The following HSP90B1 variants were observed in gnomAD, a reference collection of about 807,000 sequenced individuals.
The protein encoded by HSP90B1 is heat shock protein 90 beta family member 1.
Under a neutral mutation model 100.4 loss-of-function variants are expected in HSP90B1, and 27 were observed. The ratio of observed to expected loss-of-function variants is 0.27; its 90% CI spans 0.20 to 0.37. The LOEUF (loss-of-function observed/expected upper bound fraction) is 0.37. Ranked by LOEUF, HSP90B1 falls within the 10% of genes least tolerant of loss-of-function variation. The probability of loss-of-function intolerance (pLI) is 1.00; values close to 1 mark genes in which losing one functional copy is unlikely to be tolerated. For missense variants in HSP90B1, 678 were observed against 960.5 expected (o/e 0.71, Z 3.89); for synonymous variants, 304 against 330.8 (o/e 0.92, Z 0.88).
chr12:103,937,550 C>A, intron 5 of HSP90B1, 145 bp from the exon 6 acceptor site: 1 of 612,678 alleles, frequency 1.6e-6, no homozygotes, highest in South Asian at 1.8e-5. Context: ...GCTCACAAAC[C>A]CTTGTTGGTG....
In HSP90B1 at chr12:103,937,822, T is replaced by G; in HGVS notation, c.855+16T>G. ...GAGCAGCAAGGTAAATCTATATTGA[T>G]TAAAAACTTATATGTATTACCTTGG... On this transcript the variant is annotated intron_variant, in intron 6 of 17. Transcript: ENST00000299767. 1.6e-6 allele frequency: 2 copies of G among 1,252,846 alleles called. No homozygotes were observed. The highest frequency in any genetic ancestry group is 2.3e-6 in the Non-Finnish European group (2 of 863,018). The allele number at this position is 1,252,846 out of a possible 1,614,324, so 77.6% of individuals were successfully genotyped here. A position where few individuals can be genotyped will look rare whatever the true frequency, so the allele number is the denominator to read the frequency against.
At chr12:103,946,266 T>A (rs1348947288) in intron 14 of HSP90B1, among the ~76,000 whole-genome samples, 2 of 152,126 alleles carry the variant, frequency 1.3e-5, no homozygotes, top group African/African-American at 4.8e-5. Context: ...ATGAGGGAGA[T>A]TGGTTCTAGG....
chr12:103,942,118 C>G (rs979061938), intron 11 of HSP90B1, among the ~76,000 whole-genome samples: 2 of 152,150 alleles, frequency 1.3e-5, no homozygotes, highest in African/African-American at 4.8e-5. Context: ...AAGAATTGTA[C>G]AGGTCCAGGA....
At chr12:103,944,776 G>A (rs1470454668) in intron 14 of HSP90B1, among the ~76,000 whole-genome samples, 11 of 152,148 alleles carry the variant, frequency 7.2e-5, no homozygotes, top group African/African-American at 2.4e-4. Context: ...GGCTGGTCTC[G>A]AACTCCTGAC....
At chr12:103,934,326 G>C (rs181888707) in intron 5 of HSP90B1, 39 bp downstream of exon 5, 1 of 1,487,234 alleles carries the variant, frequency 6.7e-7, no homozygotes. Context: ...TAATAGTCAT[G>C]GTGAGGATCT....
Position 103,943,112 on chromosome 12 carries a change from G to C in HSP90B1, c.1683G>C (p.Lys561Asn), listed in dbSNP as rs1870124294. The C allele has an allele frequency of 1.9e-6, 3 of 1,614,112 alleles. No homozygotes were observed. Among genetic ancestry groups the C allele is most frequent in the Admixed American group, 3.3e-5 (2 of 60,006 alleles). Residue 561 changes from lysine (K) to asparagine (N), a missense_variant, in exon 13 of 18, where the codon AAG becomes AAC. Coordinates refer to ENST00000299767, the MANE Select transcript of HSP90B1 (RefSeq NM_003299.3). The surrounding 1 kb of genome is among the most constrained non-coding windows in gnomAD (Gnocchi z 5.3). ...SSPFVERLLK[K>N]GYEVIYLTEP... ...CATTTGTTGAGCGACTTCTGAAAAA[G>C]GGCTATGAAGTTATTTACCTCACAG...
chr12:103,947,739 T>G lies in HSP90B1; in HGVS notation c.*77T>G. ...ATCATTTCTTTTTGGGAGAGACTTG[T>G]TTTGGATGCCCCCTAATCCCCTTCT... On this transcript the variant is annotated 3_prime_UTR_variant, in exon 18 of 18. Coordinates refer to ENST00000299767, the MANE Select transcript of HSP90B1 (RefSeq NM_003299.3). 8.2e-7 allele frequency: 1 copy of G among 1,218,090 alleles called. No homozygotes were observed. The highest frequency in any genetic ancestry group is 1.5e-5 in the African/African-American group (1 of 66,942). 75.5% of individuals were successfully genotyped at this position (1,218,090 alleles called of 1,614,324 possible). A position where few individuals can be genotyped will look rare whatever the true frequency, so the allele number is the denominator to read the frequency against.
intron 7 of HSP90B1, 129 bp downstream of exon 7, chr12:103,938,588 T>C (rs1869988322): frequency 2.0e-6 from 2 of 1,008,160 alleles, no homozygotes; most frequent in Non-Finnish European, 2.9e-6. Context: ...GGAGCCAGCT[T>C]TTAAAATAAG....
At chr12:103,940,939 C>A (rs1870057899) in intron 8 of HSP90B1, among the ~76,000 whole-genome samples, 1 of 152,176 alleles carries the variant, frequency 6.6e-6, no homozygotes, top group Non-Finnish European at 1.5e-5. Context: ...AAGAGAATTT[C>A]CAACTTTGTT....
At position 103,947,864 on chromosome 12, in the gene HSP90B1, TTAAC is replaced by T. The variant is rs1870289357; in HGVS notation, c.*204_*207del. 3 of 601,040 alleles carry T rather than the reference TTAAC, an allele frequency of 5.0e-6. No homozygotes were observed. The highest frequency in any genetic ancestry group is 1.9e-5 in the African/African-American group (1 of 51,884). 37.2% of individuals were successfully genotyped at this position (601,040 alleles called of 1,614,324 possible). On this transcript the variant is annotated 3_prime_UTR_variant, in exon 18 of 18. Coordinates refer to ENST00000299767, the MANE Select transcript of HSP90B1 (RefSeq NM_003299.3). Reference sequence around the variant, plus strand: ...CCTCATGAATGTAAATTTGTACTATTTAACTGACTATTCTTGATGTAAAATCTTG... The same window carrying T: ...CCTCATGAATGTAAATTTGTACTATTTGACTATTCTTGATGTAAAATCTTG...
Position 103,946,643 on chromosome 12 carries a change from T to C in HSP90B1, c.2053T>C (p.Phe685Leu). The change falls in exon 15 of 18, where the codon TTT (phenylalanine) becomes CTT (leucine). Residue 685 changes from phenylalanine to leucine, a missense_variant. Phe to Leu is a conservative substitution (Grantham distance 22). Coordinates refer to ENST00000299767, the MANE Select transcript of HSP90B1 (RefSeq NM_003299.3). ...TNYYASQKKT[F>L]EINPRHPLIR... Reference sequence around the variant, plus strand: ...TTACTATGCGAGTCAGAAGAAAACATTTGAAATTAATCCCAGACACCCGCT... The same window carrying C: ...TTACTATGCGAGTCAGAAGAAAACACTTGAAATTAATCCCAGACACCCGCT... 1 of 1,613,926 alleles carries C rather than the reference T, an allele frequency of 6.2e-7. No individual in the cohort carries two copies. Among genetic ancestry groups the C allele is most frequent in the Middle Eastern group, 1.6e-4 (1 of 6,062 alleles).
At chr12:103,931,470 C>T (rs749958936) in intron 1 of HSP90B1, 51 bp from the exon 2 acceptor site, 32 of 1,415,208 alleles carry the variant, frequency 2.3e-5, no homozygotes, top group South Asian at 2.2e-4. Flanking sequence ...ATTTGATCAT[C>T]CTCCTTGGAG....
chr12:103,933,217 C>T (rs1408472638), intron 4 of HSP90B1, among the ~76,000 whole-genome samples: 2 of 152,222 alleles, frequency 1.3e-5, no homozygotes, highest in Non-Finnish European at 2.9e-5. Flanking sequence ...ACATAAATCT[C>T]CCAAAGCCTA....
chr12:103,932,867 A>C lies in HSP90B1; in HGVS notation c.336A>C (p.Leu112Phe). ...TGATTTCAAATGCTTCTGATGCTTT[A>C]GATAAGATAAGGCTAATATCACTGA... ...RELISNASDALDKIRLISLTD... is the reference protein window; with the variant it reads ...RELISNASDAFDKIRLISLTD... The change falls in exon 4 of 18, where the codon TTA becomes TTC. Residue 112 changes from leucine to phenylalanine, a missense_variant. Coordinates refer to ENST00000299767, the MANE Select transcript of HSP90B1 (RefSeq NM_003299.3). The C allele has an allele frequency of 6.2e-7, 1 of 1,604,930 alleles. No individual in the cohort carries two copies. The highest frequency in any genetic ancestry group is 8.5e-7 in the Non-Finnish European group (1 of 1,171,920).
At chr12:103,939,098 CT>C (rs34408098) in intron 7 of HSP90B1, among the ~76,000 whole-genome samples, 15,599 of 144,162 alleles carry the variant, frequency 0.11, 1,053 homozygotes, top group South Asian at 0.22. Flanking sequence ...CTTTGGTGCC[CT>C]TTTTTTTTTT....
intron 2 of HSP90B1, 82 bp from the exon 3 acceptor site, chr12:103,932,195 C>T (rs1869786359): frequency 3.6e-6 from 4 of 1,097,388 alleles, no homozygotes; most frequent in South Asian, 3.3e-5. Context: ...TATTCAGAGG[C>T]CCCTGTGCTT....
In HSP90B1 at chr12:103,943,009, C is replaced by G; in HGVS notation, c.1645-65C>G. On this transcript the variant is annotated intron_variant, in intron 12 of 17. Transcript: ENST00000299767. This position sits in a 1 kb window ranked among gnomAD's most constrained non-coding sequence, Gnocchi z 5.3. ...TTTTAATAATGTATAAACATAGCAGCTGCTAGGATAAACAAATACACCAGG... is the reference window on the plus strand; with the variant it reads ...TTTTAATAATGTATAAACATAGCAGGTGCTAGGATAAACAAATACACCAGG... 1 of 1,580,084 alleles carries G rather than the reference C, an allele frequency of 6.3e-7. No individual in the cohort carries two copies. The highest frequency in any genetic ancestry group is 2.2e-5 in the East Asian group (1 of 44,614).
chr12:103,942,730 G>A lies in HSP90B1; in HGVS notation c.1578G>A (p.Gln526=), dbSNP rs372371380. Reference sequence around the variant, plus strand: ...CAACTGACATTACTAGCCTAGACCAGTATGTGGAAAGAATGAAGGAAAAAC... The same window carrying A: ...CAACTGACATTACTAGCCTAGACCAATATGTGGAAAGAATGAAGGAAAAAC... The part of the protein sequence containing the change: ...HHPTDITSLD[Q]YVERMKEKQD... Residue 526 remains glutamine, a synonymous_variant, in exon 12 of 18, where the codon CAG becomes CAA. Coordinates refer to ENST00000299767, the MANE Select transcript of HSP90B1 (RefSeq NM_003299.3). 6.2e-7 allele frequency: 1 copy of A among 1,613,744 alleles called. No homozygotes were observed. Among genetic ancestry groups the A allele is most frequent in the African/African-American group, 1.3e-5 (1 of 74,902 alleles).
chr12:103,940,229 T>C (rs1870035377), intron 8 of HSP90B1, among the ~76,000 whole-genome samples: 1 of 152,208 alleles, frequency 6.6e-6, no homozygotes. Context: ...AATCATGTTG[T>C]TAAGTGGCTT....
Sources: gnomAD v4.1 joint callset for allele counts (sites outside exome capture counted in the v4.1 genomes callset) on GRCh38, gnomAD v4.1.1 for gene constraint, Gnocchi (gnomAD v3.1) non-coding constraint, MANE v1.5 for transcripts, NCBI Gene and HGNC (gene_info 2026-07-23, HGNC 2026-07-21) for gene names.